Variants in ORC4 observed in about 807,000 individuals in gnomAD.
ORC4 encodes origin recognition complex, subunit 4 homolog.
In ORC4, 55 loss-of-function variants were observed where a neutral mutation model predicts 63.9. The observed-to-expected ratio is 0.86, with a 90% CI of 0.69 to 1.08. The LOEUF is 1.08. ORC4 is among the 50% of genes least tolerant of loss of function. The pLI is 0.00. For missense variants in ORC4, 511 were observed against 504.4 expected (o/e 1.01, Z -0.13); for synonymous variants, 150 against 168.5 (o/e 0.89, Z 0.85).
At chr2:147,989,389 C>T (rs555849573) in intron 1 of ORC4, among the ~76,000 whole-genome samples, 1 of 152,076 alleles carries the variant, frequency 6.6e-6, no homozygotes, top group Admixed American at 6.6e-5. Context: ...TTTCTCATAC[C>T]CATTTGTTAA....
In ORC4 at chr2:148,019,882, A is replaced by G. The variant is rs187622521; in HGVS notation, c.-18+751T>C. Among the ~76,000 whole-genome samples the G allele has an allele frequency of 4.9e-3, 739 of 152,340 alleles. 4 individuals carry two copies. Among genetic ancestry groups the G allele is most frequent in the Non-Finnish European group, 7.5e-3 (507 of 68,026 alleles). On this transcript the variant is annotated intron_variant, in intron 1 of 13. Coordinates refer to ENST00000392857, the MANE Select transcript of ORC4 (RefSeq NM_181741.4). ...GATAGAAATTCATTATTTTCAGCAA[A>G]AACAGCTGGCATTTGGGAAACCAAA...
intron 6 of ORC4, among the ~76,000 whole-genome samples, chr2:147,958,075 A>G (rs532134002): frequency 6.6e-6 from 1 of 152,282 alleles, no homozygotes; most frequent in African/African-American, 2.4e-5. Context: ...TGGGTTTCTT[A>G]GCTATTTTAC....
rs1303437928 is a variant in ORC4 at position 148,020,720 on chromosome 2, G to T, written c.-105C>A. The T allele has an allele frequency of 6.6e-6, 1 of 152,330 alleles. No individual in the cohort carries two copies. Among genetic ancestry groups the T allele is most frequent in the Non-Finnish European group, 1.5e-5 (1 of 68,196 alleles). The allele number at this position is 152,330 out of a possible 1,614,324, so 9.4% of individuals were successfully genotyped here. On this transcript the variant is annotated 5_prime_UTR_variant, in exon 1 of 14. Transcript: ENST00000392857. ...TCTGCTAGACTTCACCTGCCGCTGC[G>T]GACCGTACACAACCACTCCCGGCAT...
chr2:147,959,272 A>C (rs1438263607), intron 4 of ORC4, among the ~76,000 whole-genome samples: 3 of 152,078 alleles, frequency 2.0e-5, no homozygotes, highest in Non-Finnish European at 4.4e-5. Context: ...ATTGAATTAA[A>C]GGTTTCTATG....
intron 7 of ORC4, among the ~76,000 whole-genome samples, chr2:147,953,760 C>T (rs1689100536): frequency 6.6e-6 from 1 of 152,080 alleles, no homozygotes. Flanking sequence ...TAAAAGAATC[C>T]CTTTTACCTT....
At chr2:147,945,011 TAAA>T (rs17225594) in intron 9 of ORC4, among the ~76,000 whole-genome samples, 4 of 151,492 alleles carry the variant, frequency 2.6e-5, no homozygotes, top group African/African-American at 9.7e-5. Flanking sequence ...TTTTGGAAAT[TAAA>T]AAAAAATTTG....
chr2:148,015,384 G>A (rs1348006085), intron 1 of ORC4, among the ~76,000 whole-genome samples: 1 of 143,226 alleles, frequency 7.0e-6, no homozygotes, highest in Non-Finnish European at 1.5e-5. Flanking sequence ...GCGCGATCTC[G>A]GCTCACTGCA....
At chr2:147,945,439 A>G (rs1277662490) in intron 9 of ORC4, among the ~76,000 whole-genome samples, 1 of 152,096 alleles carries the variant, frequency 6.6e-6, no homozygotes, top group Non-Finnish European at 1.5e-5. Flanking sequence ...AACCTCGTTC[A>G]TTATATTTTT....
chr2:148,004,977 C>A (rs1406857802), intron 1 of ORC4, among the ~76,000 whole-genome samples: 1 of 152,164 alleles, frequency 6.6e-6, no homozygotes, highest in Non-Finnish European at 1.5e-5. Context: ...ATTAGTTAAA[C>A]CATTGTGGAA....
rs201079402 is a variant in ORC4 at position 148,016,802 on chromosome 2, C to A, written c.-18+3831G>T. ...AGCCTCGTTATAATGATTTAAAATT[C>A]GCTGTCCCAAACCACAATTTCTTTT... is the stretch of plus-strand genomic sequence containing the variant. On this transcript the variant is annotated intron_variant, in intron 1 of 13. Coordinates refer to ENST00000392857, the MANE Select transcript of ORC4 (RefSeq NM_181741.4). 3.3e-5 allele frequency among the ~76,000 whole-genome samples: 5 copies of A among 152,164 alleles called. No individual in the cohort carries two copies. The East Asian group carries it at 7.7e-4, about 23-fold the overall frequency.
Position 148,010,401 on chromosome 2 carries a change from T to C in ORC4, c.-18+10232A>G, listed in dbSNP as rs575565907. Reference sequence around the variant, plus strand: ...GAGACAAAAAAATAGAAAAGATCAATGAAATGAAAAGGGTTGTTTGGAAAG... The same window carrying C: ...GAGACAAAAAAATAGAAAAGATCAACGAAATGAAAAGGGTTGTTTGGAAAG... On this transcript the variant is annotated intron_variant, in intron 1 of 13. Coordinates refer to ENST00000392857, the MANE Select transcript of ORC4 (RefSeq NM_181741.4). Among the ~76,000 whole-genome samples, 8 of 150,352 alleles carry C rather than the reference T, an allele frequency of 5.3e-5. No individual in the cohort carries two copies. The East Asian group carries it at 1.4e-3, about 26-fold the overall frequency.
intron 1 of ORC4, among the ~76,000 whole-genome samples, chr2:147,982,730 C>T (rs780621992): frequency 1.2e-4 from 19 of 152,050 alleles, no homozygotes; most frequent in Non-Finnish European, 2.9e-5. Context: ...GACATCTTCC[C>T]CCTTCATGTA....
intron 1 of ORC4, among the ~76,000 whole-genome samples, chr2:148,014,641 T>G (rs891271847): frequency 6.6e-6 from 1 of 152,140 alleles, no homozygotes; most frequent in South Asian, 2.1e-4. Context: ...TAGCCACAGA[T>G]TCACTCAACC....
Position 147,935,692 on chromosome 2 carries a change from C to A in ORC4, c.1129G>T (p.Glu377Ter). The A allele has an allele frequency of 6.2e-7, 1 of 1,611,886 alleles. No homozygotes were observed. Among genetic ancestry groups the A allele is most frequent in the South Asian group, 1.1e-5 (1 of 90,960 alleles). The change falls in exon 14 of 14, where the codon GAA (glutamate) becomes TAA (stop). Residue 377 changes from glutamate (E) to a stop codon, truncating the protein, a stop_gained. Coordinates refer to ENST00000392857, the MANE Select transcript of ORC4 (RefSeq NM_181741.4). LOFTEE classifies it high-confidence loss of function. ...ATTAATTCTAATTGCTGCAAGTGTT[C>A]AAAAGCCTGAAAGATGAAAGAAATA... ...FEKPVVMKAF[E>*]HLQQLELIKP... is the part of the protein sequence containing the mutation.
At chr2:147,963,844 T>C (rs1156652259) in intron 4 of ORC4, among the ~76,000 whole-genome samples, 1 of 152,048 alleles carries the variant, frequency 6.6e-6, no homozygotes, top group Admixed American at 6.6e-5. Context: ...TAAATGACAC[T>C]AGTGTGGATT....
At chr2:147,969,898 A>C (rs780589627) in intron 4 of ORC4, among the ~76,000 whole-genome samples, 1 of 152,020 alleles carries the variant, frequency 6.6e-6, no homozygotes, top group Non-Finnish European at 1.5e-5. Flanking sequence ...AAGTATGGAG[A>C]TAGGGAAGGA....
chr2:148,012,083 T>C (rs959005526), intron 1 of ORC4, among the ~76,000 whole-genome samples: 10 of 150,286 alleles, frequency 6.7e-5, no homozygotes, highest in African/African-American at 2.4e-4. Flanking sequence ...TTCACAGAAA[T>C]AGAAAAAAAA....
intron 10 of ORC4, among the ~76,000 whole-genome samples, chr2:147,942,587 G>T (rs368239323): frequency 3.3e-5 from 5 of 152,132 alleles, no homozygotes; most frequent in African/African-American, 1.2e-4. Context: ...AACAGATGAG[G>T]ATTACCTCAA....
intron 4 of ORC4, among the ~76,000 whole-genome samples, chr2:147,959,366 T>TA (rs1689449808): frequency 6.6e-6 from 1 of 151,892 alleles, no homozygotes; most frequent in Non-Finnish European, 1.5e-5. Flanking sequence ...GCATTCTTTT[T>TA]TTTAAAGAAT....
Sources: gnomAD v4.1 joint callset for allele counts (sites outside exome capture counted in the v4.1 genomes callset) on GRCh38, gnomAD v4.1.1 for gene constraint, MANE v1.5 for transcripts, NCBI Gene and HGNC (gene_info 2026-07-23, HGNC 2026-07-21) for gene names.